Variants in NT5E observed in about 807,000 individuals in gnomAD.
The protein encoded by NT5E is 5'-nucleotidase ecto.
A neutral mutation model predicts 55.1 loss-of-function variants in NT5E; 53 were observed. The ratio of observed to expected loss-of-function variants is 0.96; its 90% confidence interval spans 0.77 to 1.21. The LOEUF is 1.21. NT5E is among the 50% of genes most tolerant of loss of function. The pLI is 0.00. For synonymous variants in NT5E, 270 were observed against 278.4 expected (o/e 0.97, Z 0.30); for missense variants, 683 against 724.3 (o/e 0.94, Z 0.65).
intron 2 of NT5E, among the ~76,000 whole-genome samples, chr6:85,468,024 T>TGAC (rs1366257312): frequency 6.6e-6 from 1 of 152,090 alleles, no homozygotes; most frequent in Non-Finnish European, 1.5e-5. Context: ...AGAACAAAAA[T>TGAC]GACATTTTCT....
chr6:85,484,699 A>G (rs1769614084), intron 3 of NT5E, among the ~76,000 whole-genome samples: 1 of 152,144 alleles, frequency 6.6e-6, no homozygotes, highest in African/African-American at 2.4e-5. Flanking sequence ...GTTTCTAGAG[A>G]TTGCTATTCC....
chr6:85,466,064 T>C (rs1219507711), intron 1 of NT5E, among the ~76,000 whole-genome samples: 5 of 152,036 alleles, frequency 3.3e-5, no homozygotes, highest in Non-Finnish European at 7.4e-5. Context: ...CCCAAGGAGA[T>C]GGGTGTATCC....
At chr6:85,465,659 C>T (rs143256941) in intron 1 of NT5E, among the ~76,000 whole-genome samples, 1 of 152,314 alleles carries the variant, frequency 6.6e-6, no homozygotes, top group African/African-American at 2.4e-5. Context: ...TGCACAAACA[C>T]ATTCACATGA....
At position 85,492,082 on chromosome 6, in the gene NT5E, T is replaced by C; in HGVS notation, c.1466T>C (p.Met489Thr). ...CRVPSYDPLK[M>T]DEVYKVILPN... ...GTGCCCAGTTATGACCCTCTCAAAA[T>C]GGACGAGGTATATAAGGTGATCCTC... The change falls in exon 8 of 9, where the codon ATG (methionine) becomes ACG (threonine). Residue 489 changes from methionine to threonine, a missense_variant. Met to Thr is a moderately conservative substitution (Grantham distance 81, BLOSUM62 -1). Transcript: ENST00000257770. The C allele has an allele frequency of 6.2e-7, 1 of 1,614,204 alleles. No homozygotes were observed. Among genetic ancestry groups the C allele is most frequent in the Non-Finnish European group, 8.5e-7 (1 of 1,180,022 alleles).
At chr6:85,462,411 G>A (rs1405303375) in intron 1 of NT5E, among the ~76,000 whole-genome samples, 2 of 152,016 alleles carry the variant, frequency 1.3e-5, no homozygotes, top group Admixed American at 6.6e-5. Context: ...AGATTTTCAG[G>A]TGCCCTCAGT....
chr6:85,452,601 G>T (rs1347450567), intron 1 of NT5E, among the ~76,000 whole-genome samples: 2 of 152,124 alleles, frequency 1.3e-5, no homozygotes, highest in African/African-American at 4.8e-5. Context: ...GGATCACATG[G>T]CAAGGTTAGA....
chr6:85,456,232 T>A lies in NT5E; in HGVS notation c.339+5754T>A, dbSNP rs1022970625. 4.6e-5 allele frequency among the ~76,000 whole-genome samples: 7 copies of A among 152,328 alleles called. No individual in the cohort carries two copies. The East Asian group carries it at 1.3e-3, about 29-fold the overall frequency. Reference sequence around the variant, plus strand: ...GTGCACATGGAGTGGGCATGGAAGCTTTGCCCATCCACTCCCATGCCTTGC... The same window carrying A: ...GTGCACATGGAGTGGGCATGGAAGCATTGCCCATCCACTCCCATGCCTTGC... On this transcript the variant is annotated intron_variant, in intron 1 of 8. Coordinates refer to ENST00000257770, the MANE Select transcript of NT5E (RefSeq NM_002526.4).
intron 2 of NT5E, among the ~76,000 whole-genome samples, chr6:85,467,801 T>A (rs1409372416): frequency 6.6e-6 from 1 of 151,934 alleles, no homozygotes; most frequent in Non-Finnish European, 1.5e-5. Context: ...TCTTATGATA[T>A]ATATGGATAT....
chr6:85,455,644 T>C (rs1768973571), intron 1 of NT5E, among the ~76,000 whole-genome samples: 1 of 152,200 alleles, frequency 6.6e-6, no homozygotes, highest in Non-Finnish European at 1.5e-5. Context: ...AAGGAGGAAG[T>C]AATGGAAACC....
In NT5E at chr6:85,493,869, A is replaced by G. The variant is rs772415166; in HGVS notation, c.1590A>G (p.Thr530=). 3 of 1,613,860 alleles carry G rather than the reference A, an allele frequency of 1.9e-6. No individual in the cohort carries two copies. Among genetic ancestry groups the G allele is most frequent in the Non-Finnish European group, 8.5e-7 (1 of 1,179,918 alleles). The change falls in exon 9 of 9, where the codon ACA becomes ACG. Residue 530 remains threonine, a synonymous_variant. Coordinates refer to ENST00000257770, the MANE Select transcript of NT5E (RefSeq NM_002526.4). Reference sequence around the variant, plus strand: ...ACCAAGATATCAACGTGGTTTCTACATATATCTCCAAAATGAAAGTAATTT... The same window carrying G: ...ACCAAGATATCAACGTGGTTTCTACGTATATCTCCAAAATGAAAGTAATTT... The part of the protein sequence containing the change: ...SGDQDINVVS[T]YISKMKVIYP...
In NT5E at chr6:85,492,123, A is replaced by G; in HGVS notation, c.1507A>G (p.Asn503Asp). Residue 503 changes from asparagine (N) to aspartate (D), a missense_variant, in exon 8 of 9, where the codon AAT becomes GAT. Asn to Asp is a conservative substitution (Grantham distance 23, BLOSUM62 1). Transcript: ENST00000257770. The part of the protein sequence containing the change: ...YKVILPNFLA[N>D]GGDGFQMIKD... Reference sequence around the variant, plus strand: ...GGTGATCCTCCCAAACTTCCTGGCCAATGGTGGAGATGGGTTCCAGATGAT... The same window carrying G: ...GGTGATCCTCCCAAACTTCCTGGCCGATGGTGGAGATGGGTTCCAGATGAT... 6.2e-7 allele frequency: 1 copy of G among 1,614,206 alleles called. No individual in the cohort carries two copies. Among genetic ancestry groups the G allele is most frequent in the Non-Finnish European group, 8.5e-7 (1 of 1,180,024 alleles).
chr6:85,483,103 G>T (rs1769581438), intron 3 of NT5E, among the ~76,000 whole-genome samples: 1 of 152,184 alleles, frequency 6.6e-6, no homozygotes, highest in Non-Finnish European at 1.5e-5. Flanking sequence ...CGGATTACTG[G>T]ATTCCTAACT....
intron 3 of NT5E, among the ~76,000 whole-genome samples, chr6:85,477,885 G>T (rs1769466440): frequency 6.6e-6 from 1 of 152,146 alleles, no homozygotes; most frequent in Admixed American, 6.5e-5. Context: ...GGTTGGGCAT[G>T]TTGGCAATCC....
intron 3 of NT5E, among the ~76,000 whole-genome samples, chr6:85,472,778 T>G (rs1027088224): frequency 6.6e-6 from 1 of 152,232 alleles, no homozygotes; most frequent in Non-Finnish European, 1.5e-5. Context: ...AATACCAGTA[T>G]GAATGTGTGC....
intron 3 of NT5E, among the ~76,000 whole-genome samples, chr6:85,478,324 G>A (rs1312576870): frequency 6.6e-6 from 1 of 152,188 alleles, no homozygotes; most frequent in Non-Finnish European, 1.5e-5. Context: ...GCAGTCCAAG[G>A]TCATTTGGCA....
chr6:85,491,333 C>G (rs1382359052), intron 7 of NT5E: 24 of 340,066 alleles, frequency 7.1e-5, no homozygotes, highest in Non-Finnish European at 9.8e-5. Context: ...AAATCATAAT[C>G]TGGCCTCATT....
chr6:85,476,993 C>A (rs1769451028), intron 3 of NT5E, among the ~76,000 whole-genome samples: 1 of 152,160 alleles, frequency 6.6e-6, no homozygotes, highest in Non-Finnish European at 1.5e-5. Flanking sequence ...CGGGTCCAGG[C>A]TTGAGGGTGG....
intron 3 of NT5E, among the ~76,000 whole-genome samples, chr6:85,482,377 A>G (rs1164427078): frequency 6.6e-6 from 1 of 151,948 alleles, no homozygotes; most frequent in Admixed American, 6.6e-5. Context: ...AAGAGGAAGG[A>G]AGGAGGGAAA....
chr6:85,470,339 A>G (rs987315688), intron 2 of NT5E, among the ~76,000 whole-genome samples: 1 of 152,244 alleles, frequency 6.6e-6, no homozygotes, highest in Middle Eastern at 3.2e-3. Flanking sequence ...CACTATGTGC[A>G]GTAATAAGCA....
Sources: gnomAD v4.1 joint callset for allele counts (sites outside exome capture counted in the v4.1 genomes callset) on GRCh38, gnomAD v4.1.1 for gene constraint, MANE v1.5 for transcripts, NCBI Gene and HGNC (gene_info 2026-07-23, HGNC 2026-07-21) for gene names.